Variants in MTUS2 observed in about 807,000 individuals in gnomAD.
MTUS2 encodes microtubule associated scaffold protein 2.
MTUS2 carries 40 observed loss-of-function variants against 114.1 expected under a neutral mutation model. That is an observed-to-expected ratio of 0.35 (90% CI 0.27 to 0.46). The LOEUF is 0.46. MTUS2 is among the 20% of genes least tolerant of loss of function. The pLI, the probability that MTUS2 is intolerant of heterozygous loss-of-function variation, is 1.00. For synonymous variants in MTUS2, 688 were observed against 672.0 expected, an observed-to-expected ratio of 1.02 and a Z score of -0.37; for missense variants, 1,679 against 1,705.4, an observed-to-expected ratio of 0.98 and a Z score of 0.27.
At chr13:29,084,572 C>G (rs554883857) in intron 4 of MTUS2, among the ~76,000 whole-genome samples, 2 of 131,104 alleles carry the variant, frequency 1.5e-5, no homozygotes, top group South Asian at 2.7e-4. Flanking sequence ...GAACCTTGCT[C>G]TGTCGCCCAG....
intron 6 of MTUS2, among the ~76,000 whole-genome samples, chr13:29,289,256 T>G (rs1237367022): frequency 6.6e-6 from 1 of 152,084 alleles, no homozygotes; most frequent in Non-Finnish European, 1.5e-5. Context: ...GATGGGATGG[T>G]AAAGATGCCT....
intron 6 of MTUS2, among the ~76,000 whole-genome samples, chr13:29,319,903 G>A (rs9579313): frequency 0.41 from 61,905 of 151,938 alleles, 13,700 homozygotes; most frequent in African/African-American, 0.6. Context: ...GGACTCCAGG[G>A]ACTAATAGAG....
At chr13:29,094,895 A>G (rs374534010) in intron 4 of MTUS2, among the ~76,000 whole-genome samples, 7 of 151,936 alleles carry the variant, frequency 4.6e-5, no homozygotes, top group African/African-American at 1.7e-4. Context: ...TATTCATCTT[A>G]GTATTTTCTA....
chr13:29,102,113 A>G (rs1890442955), intron 5 of MTUS2, among the ~76,000 whole-genome samples: 1 of 152,248 alleles, frequency 6.6e-6, no homozygotes, highest in South Asian at 2.1e-4. Flanking sequence ...TTACATCATT[A>G]CACAGTAGGG....
intron 5 of MTUS2, among the ~76,000 whole-genome samples, chr13:29,118,970 AC>A (rs1891197979): frequency 6.6e-6 from 1 of 152,150 alleles, no homozygotes; most frequent in South Asian, 2.1e-4. Context: ...CACCCCTCGA[AC>A]ACAAGTTTGC....
intron 2 of MTUS2, among the ~76,000 whole-genome samples, chr13:28,989,878 CT>C (rs1255887615): frequency 6.7e-6 from 1 of 149,294 alleles, no homozygotes; most frequent in Non-Finnish European, 1.5e-5. Flanking sequence ...GCAGAATTGC[CT>C]GATTTGTGCA....
At chr13:29,048,672 A>G (rs1312115384) in intron 4 of MTUS2, among the ~76,000 whole-genome samples, 1 of 152,104 alleles carries the variant, frequency 6.6e-6, no homozygotes, top group Non-Finnish European at 1.5e-5. Context: ...GTCTTACTGT[A>G]TTGCCCAGGC....
intron 8 of MTUS2, among the ~76,000 whole-genome samples, chr13:29,429,216 T>C (rs1219423424): frequency 6.6e-6 from 1 of 152,264 alleles, no homozygotes; most frequent in African/African-American, 2.4e-5. Context: ...GCAATATTCT[T>C]AATGCATTTT....
chr13:29,337,251 G>T (rs1901112904), intron 7 of MTUS2, among the ~76,000 whole-genome samples: 1 of 152,030 alleles, frequency 6.6e-6, no homozygotes, highest in African/African-American at 2.4e-5. Flanking sequence ...CCAGTTTTGT[G>T]CTTGAAACCC....
intron 9 of MTUS2, among the ~76,000 whole-genome samples, chr13:29,479,124 A>G (rs1217486726): frequency 6.6e-6 from 1 of 152,192 alleles, no homozygotes; most frequent in African/African-American, 2.4e-5. Context: ...ATTACAGCTA[A>G]TCAGCACCTG....
chr13:29,342,300 A>G (rs1901442512), intron 7 of MTUS2, among the ~76,000 whole-genome samples: 1 of 151,810 alleles, frequency 6.6e-6, no homozygotes, highest in Admixed American at 6.6e-5. Flanking sequence ...ATGGGTTTCC[A>G]TTTGTTTGTG....
chr13:29,346,751 C>T (rs549899732), intron 7 of MTUS2, among the ~76,000 whole-genome samples: 10 of 146,172 alleles, frequency 6.8e-5, no homozygotes, highest in Non-Finnish European at 1.3e-4. Context: ...GTGGTCTTTC[C>T]CCAATTCCAC....
At chr13:29,332,744 C>T (rs774016967) in intron 7 of MTUS2, among the ~76,000 whole-genome samples, 1 of 151,506 alleles carries the variant, frequency 6.6e-6, no homozygotes, top group African/African-American at 2.4e-5. Context: ...ATGCCATTCT[C>T]CTGCCTCAGC....
At chr13:29,169,438 A>AT (rs1386019964) in intron 5 of MTUS2, among the ~76,000 whole-genome samples, 1 of 152,134 alleles carries the variant, frequency 6.6e-6, no homozygotes, top group African/African-American at 2.4e-5. Context: ...TTGTATTGGA[A>AT]TTTAAGAGGT....
At chr13:29,400,087 A>G (rs1273765797) in intron 8 of MTUS2, among the ~76,000 whole-genome samples, 2 of 152,216 alleles carry the variant, frequency 1.3e-5, no homozygotes, top group African/African-American at 4.8e-5. Context: ...TGGTGGGGAA[A>G]AGAATCTGCC....
intron 7 of MTUS2, among the ~76,000 whole-genome samples, chr13:29,353,983 A>G (rs932500928): frequency 7.2e-5 from 11 of 152,068 alleles, no homozygotes; most frequent in East Asian, 1.9e-4. Context: ...GTGGAGCTCA[A>G]TCCTCTGTGG....
chr13:29,326,444 T>C (rs1435529595), intron 7 of MTUS2, among the ~76,000 whole-genome samples: 1 of 152,032 alleles, frequency 6.6e-6, no homozygotes, highest in Non-Finnish European at 1.5e-5. Context: ...TGTTAAAATA[T>C]CTGTTAAAAT....
At chr13:29,431,922 A>G (rs1877017688) in intron 8 of MTUS2, among the ~76,000 whole-genome samples, 1 of 151,602 alleles carries the variant, frequency 6.6e-6, no homozygotes, top group Admixed American at 6.6e-5. Flanking sequence ...ATGGCTCACT[A>G]TAAACTTGAA....
At chr13:29,190,784 C>T (rs35248184) in intron 5 of MTUS2, among the ~76,000 whole-genome samples, 22,666 of 152,150 alleles carry the variant, frequency 0.15, 1,877 homozygotes, top group East Asian at 0.31. Flanking sequence ...TATTATGGTC[C>T]TCTCTCAATA....
Sources: gnomAD v4.1 joint callset for allele counts (sites outside exome capture counted in the v4.1 genomes callset) on GRCh38, gnomAD v4.1.1 for gene constraint, MANE v1.5 for transcripts, NCBI Gene and HGNC (gene_info 2026-07-23, HGNC 2026-07-21) for gene names.